IQSEC1: variants seen among roughly 807,000 people sequenced by gnomAD.
The protein encoded by IQSEC1 is IQ motif and Sec7 domain ArfGEF 1.
A neutral mutation model predicts 91.0 loss-of-function variants in IQSEC1; 31 were observed. That is an observed-to-expected ratio of 0.34 (90% CI 0.26 to 0.46). IQSEC1 has a LOEUF of 0.46. Ranked by LOEUF, IQSEC1 falls within the 20% of genes least tolerant of loss-of-function variation. IQSEC1 has a pLI of 1.00. For missense variants in IQSEC1, 1,388 were observed against 1,575.6 expected (o/e 0.88, Z 2.02); for synonymous variants, 699 against 662.6 (o/e 1.05, Z -0.84).
At chr3:13,273,147 AAGAC>A (rs1247000156) in intron 1 of IQSEC1, among the ~76,000 whole-genome samples, 4 of 152,146 alleles carry the variant, frequency 2.6e-5, no homozygotes, top group African/African-American at 7.2e-5. Context: ...CAGGCCAGAG[AAGAC>A]AAAGACAGGT....
At chr3:12,989,521 A>C (rs1418875926) in intron 1 of IQSEC1, among the ~76,000 whole-genome samples, 1 of 152,208 alleles carries the variant, frequency 6.6e-6, no homozygotes, top group Non-Finnish European at 1.5e-5. Context: ...GGTCATGCAC[A>C]AAGCTAGGAA....
At chr3:12,933,702 G>C (rs1697911988) in intron 3 of IQSEC1, among the ~76,000 whole-genome samples, 1 of 152,212 alleles carries the variant, frequency 6.6e-6, no homozygotes, top group Admixed American at 6.5e-5. Flanking sequence ...GCCCCAAGCT[G>C]TGTTCTTAAC....
At chr3:13,123,791 C>T (rs912585310) in intron 2 of IQSEC1, among the ~76,000 whole-genome samples, 3 of 152,320 alleles carry the variant, frequency 2.0e-5, no homozygotes, top group Non-Finnish European at 2.9e-5. Flanking sequence ...CAGAGCCCTG[C>T]GCTGACCTGC....
In IQSEC1 at chr3:13,250,578, C is replaced by T. The variant is rs188107922; in HGVS notation, c.272+32133G>A. ...GCCTCCGAGTAGCTGGGATTACAGG[C>T]GCCCGCCTCCACCTCACCCAGATAA... On this transcript the variant is annotated intron_variant, in intron 1 of 15. Transcript: ENST00000648114. Among the ~76,000 whole-genome samples, 119 of 151,262 alleles carry T rather than the reference C, an allele frequency of 7.9e-4. No individual in the cohort carries two copies. In the East Asian group the frequency reaches 0.016, roughly 20 times the overall value.
chr3:12,950,641 T>A (rs1179965516), intron 1 of IQSEC1, among the ~76,000 whole-genome samples: 1 of 127,210 alleles, frequency 7.9e-6, no homozygotes, highest in African/African-American at 3.2e-5. Context: ...ACTCCATCTC[T>A]ACAAATTTTT....
At chr3:12,916,303 G>A (rs946268817) in intron 6 of IQSEC1, among the ~76,000 whole-genome samples, 13 of 152,198 alleles carry the variant, frequency 8.5e-5, no homozygotes, top group South Asian at 2.1e-4. Flanking sequence ...GCATCTGAGC[G>A]GTGGGAGTGC....
intron 3 of IQSEC1, among the ~76,000 whole-genome samples, chr3:12,931,868 G>A (rs1274443233): frequency 1.3e-5 from 2 of 152,218 alleles, no homozygotes; most frequent in Non-Finnish European, 2.9e-5. Context: ...GGGCCTCAGA[G>A]GCCCCTGTGG....
chr3:13,012,626 G>A (rs1702935266), intron 1 of IQSEC1, among the ~76,000 whole-genome samples: 1 of 152,220 alleles, frequency 6.6e-6, no homozygotes, highest in Non-Finnish European at 1.5e-5. Flanking sequence ...CTGAGCACTT[G>A]CTACATGCCG....
intron 1 of IQSEC1, among the ~76,000 whole-genome samples, chr3:13,191,013 A>G (rs1694014895): frequency 6.6e-6 from 1 of 152,138 alleles, no homozygotes; most frequent in Non-Finnish European, 1.5e-5. Context: ...TCCTGCCCCC[A>G]ACACACCCCT....
intron 1 of IQSEC1, among the ~76,000 whole-genome samples, chr3:13,213,066 T>G (rs962077279): frequency 1.3e-5 from 2 of 152,260 alleles, no homozygotes; most frequent in Non-Finnish European, 2.9e-5. Flanking sequence ...TGGGGTCCAA[T>G]TTATCTACTT....
intron 1 of IQSEC1, 124 bp from the exon 2 acceptor site, chr3:12,941,989 A>G (rs1252531560): frequency 1.1e-6 from 1 of 880,788 alleles, no homozygotes; most frequent in Non-Finnish European, 1.7e-6. Context: ...CTCACACCCC[A>G]TGGCTGAGTC....
At chr3:12,945,557 A>G (rs1225258374) in intron 1 of IQSEC1, among the ~76,000 whole-genome samples, 1 of 151,682 alleles carries the variant, frequency 6.6e-6, no homozygotes, top group Non-Finnish European at 1.5e-5. Context: ...ATCAAACCCA[A>G]CTTCAAACCA....
rs1695808360 is a variant in IQSEC1 at position 13,282,351 on chromosome 3, T to TC, written c.272+359dup. Among the ~76,000 whole-genome samples, 1 of 151,858 alleles carries TC rather than the reference T, an allele frequency of 6.6e-6. No homozygotes were observed. Among genetic ancestry groups the TC allele is most frequent in the Non-Finnish European group, 1.5e-5 (1 of 67,928 alleles). ...GGGTCGGAAGTTCTCGCCCTGCTGC[T>TC]CCGAGACCTAGGTCCGCTCCCCGGA... On this transcript the variant is annotated intron_variant, in intron 1 of 15. Transcript: ENST00000648114. This position sits in a 1 kb window ranked among gnomAD's most constrained non-coding sequence, Gnocchi z 6.4.
intron 8 of IQSEC1, 85 bp downstream of exon 8, chr3:12,915,019 G>T: frequency 7.2e-7 from 1 of 1,394,956 alleles, no homozygotes; most frequent in Non-Finnish European, 1.0e-6. Flanking sequence ...GGCTCTGGGA[G>T]CCTGGGGAGC....
intron 1 of IQSEC1, among the ~76,000 whole-genome samples, chr3:13,165,690 G>A (rs1284809513): frequency 6.6e-6 from 1 of 151,770 alleles, no homozygotes; most frequent in Non-Finnish European, 1.5e-5. Flanking sequence ...GAGGACCTGA[G>A]CCCCCTGCCA....
chr3:13,009,374 T>C (rs1253937427), intron 1 of IQSEC1, among the ~76,000 whole-genome samples: 1 of 152,058 alleles, frequency 6.6e-6, no homozygotes, highest in African/African-American at 2.4e-5. Flanking sequence ...TGACATGGTG[T>C]AATGTCATCA....
At chr3:13,218,467 G>A (rs1280865284) in intron 1 of IQSEC1, among the ~76,000 whole-genome samples, 1 of 152,244 alleles carries the variant, frequency 6.6e-6, no homozygotes, top group Non-Finnish European at 1.5e-5. Flanking sequence ...AAAAGGTGCT[G>A]CTCTCCAAGG....
At chr3:13,159,910 C>G (rs1172479388) in intron 2 of IQSEC1, among the ~76,000 whole-genome samples, 1 of 152,162 alleles carries the variant, frequency 6.6e-6, no homozygotes. Context: ...CTCCACAAAC[C>G]TCTTCTCTTC....
At chr3:13,026,875 T>G (rs77400188) in intron 1 of IQSEC1, among the ~76,000 whole-genome samples, 3,143 of 55,296 alleles carry the variant, frequency 0.057, 99 homozygotes, top group Middle Eastern at 0.11. Flanking sequence ...TTTTTTTTTT[T>G]TTTGTTTGTT....
Sources: gnomAD v4.1 joint callset for allele counts (sites outside exome capture counted in the v4.1 genomes callset) on GRCh38, gnomAD v4.1.1 for gene constraint, Gnocchi (gnomAD v3.1) non-coding constraint, MANE v1.5 for transcripts, NCBI Gene and HGNC (gene_info 2026-07-23, HGNC 2026-07-21) for gene names.